The following PDZD8 variants were observed in gnomAD, a reference collection of about 807,000 sequenced individuals.
The protein encoded by PDZD8 is PDZ domain-containing protein 8.
In PDZD8, 14 loss-of-function variants were observed where a neutral mutation model predicts 85.8. That is an observed-to-expected ratio of 0.16 (90% CI 0.11 to 0.26). PDZD8 has a LOEUF of 0.26. Among genes scored for constraint, PDZD8 ranks in the 10% least tolerant of loss-of-function variants. The probability of loss-of-function intolerance (pLI) is 1.00; values close to 1 mark genes in which losing one functional copy is unlikely to be tolerated. For synonymous variants in PDZD8, 592 were observed against 568.6 expected (o/e 1.04, Z -0.59); for missense variants, 1,197 against 1,424.3 (o/e 0.84, Z 2.57).
At chr10:117,371,749 G>A (rs1589600494) in intron 1 of PDZD8, among the ~76,000 whole-genome samples, 1 of 151,966 alleles carries the variant, frequency 6.6e-6, no homozygotes, top group South Asian at 2.1e-4. Flanking sequence ...GACTAGCCTG[G>A]GCAACAAAGC....
chr10:117,360,429 T>C (rs1212176166), intron 1 of PDZD8, among the ~76,000 whole-genome samples: 1 of 152,070 alleles, frequency 6.6e-6, no homozygotes, highest in Non-Finnish European at 1.5e-5. Flanking sequence ...CAAACTCTTA[T>C]TCTTTCCTGT....
chr10:117,285,302 A>C lies in PDZD8; in HGVS notation c.1431T>G (p.Gly477=). 6.2e-7 allele frequency: 1 copy of C among 1,613,966 alleles called. No individual in the cohort carries two copies. The highest frequency in any genetic ancestry group is 8.5e-7 in the Non-Finnish European group (1 of 1,179,994). ...ENFLSSSCQS[G]YEEEAAGLTV... ...TCAACCCGGCAGCTTCCTCTTCATA[A>C]CCCGATTGGCATGAGCTTGACAAAA... The change falls in exon 5 of 5, where the codon GGT becomes GGG. Residue 477 remains glycine (G), a synonymous_variant. Coordinates refer to ENST00000334464, the MANE Select transcript of PDZD8 (RefSeq NM_173791.5).
chr10:117,316,596 G>A (rs1471231294), intron 3 of PDZD8, among the ~76,000 whole-genome samples: 1 of 152,072 alleles, frequency 6.6e-6, no homozygotes, highest in Non-Finnish European at 1.5e-5. Context: ...AGCTGAGGTG[G>A]GAGGGTTAAC....
chr10:117,348,517 T>G (rs1844746957), intron 1 of PDZD8, among the ~76,000 whole-genome samples: 1 of 152,160 alleles, frequency 6.6e-6, no homozygotes, highest in African/African-American at 2.4e-5. Flanking sequence ...AGGCTGGAAG[T>G]CGAAGATCAG....
intron 2 of PDZD8, among the ~76,000 whole-genome samples, chr10:117,331,634 G>A (rs1277650512): frequency 1.3e-5 from 2 of 152,162 alleles, no homozygotes; most frequent in Non-Finnish European, 2.9e-5. Context: ...TTGTATGAGT[G>A]TATAGCATAC....
Position 117,283,275 on chromosome 10 carries a change from G to A in PDZD8, c.3458C>T (p.Ser1153Phe). ...ISDDLFGPSE[S>F]V ...CTTAAATAGACCTGTCTGCTACACA[G>A]ACTCGGATGGGCCAAATAAGTCATC... Residue 1153 changes from serine (S) to phenylalanine (F), a missense_variant, in exon 5 of 5, where the codon TCT becomes TTT. Transcript: ENST00000334464. The A allele has an allele frequency of 6.2e-7, 1 of 1,610,638 alleles. No homozygotes were observed. The highest frequency in any genetic ancestry group is 1.1e-5 in the South Asian group (1 of 90,368).
chr10:117,302,859 A>T (rs531412362), intron 3 of PDZD8, among the ~76,000 whole-genome samples: 13 of 152,308 alleles, frequency 8.5e-5, no homozygotes, highest in South Asian at 2.1e-4. Flanking sequence ...GCCTCCATGT[A>T]AGAAGTGCCT....
chr10:117,285,747 C>T (rs1844651395), intron 4 of PDZD8: 7 of 1,111,752 alleles, frequency 6.3e-6, no homozygotes, highest in Non-Finnish European at 7.7e-6. Context: ...AGGATGCTAA[C>T]TCCTAATTGC....
chr10:117,367,174 G>C (rs905032947), intron 1 of PDZD8, among the ~76,000 whole-genome samples: 7 of 152,176 alleles, frequency 4.6e-5, no homozygotes, highest in African/African-American at 1.7e-4. Flanking sequence ...ATTTTGGGAG[G>C]CTGAGGCGGG....
chr10:117,343,676 A>G (rs1844655475), intron 1 of PDZD8, among the ~76,000 whole-genome samples: 1 of 152,238 alleles, frequency 6.6e-6, no homozygotes, highest in South Asian at 2.1e-4. Flanking sequence ...CAGGAGTATG[A>G]GTTGAATGTT....
chr10:117,289,576 CAG>C (rs1844721038), intron 4 of PDZD8, among the ~76,000 whole-genome samples: 1 of 152,192 alleles, frequency 6.6e-6, no homozygotes, highest in Non-Finnish European at 1.5e-5. Context: ...CTGCTATCTT[CAG>C]AGAGTTTTTA....
chr10:117,332,304 C>A (rs1232319750), intron 2 of PDZD8, among the ~76,000 whole-genome samples: 1 of 151,924 alleles, frequency 6.6e-6, no homozygotes, highest in African/African-American at 2.4e-5. Context: ...AAACAAAAAA[C>A]AAAAAACAGA....
chr10:117,336,010 C>G (rs558413387), intron 2 of PDZD8, among the ~76,000 whole-genome samples: 1 of 152,194 alleles, frequency 6.6e-6, no homozygotes, highest in African/African-American at 2.4e-5. Context: ...TGCTTAGGAC[C>G]AGGAGTGCTT....
At chr10:117,311,784 T>C (rs1223241183) in intron 3 of PDZD8, among the ~76,000 whole-genome samples, 1 of 151,872 alleles carries the variant, frequency 6.6e-6, no homozygotes, top group Non-Finnish European at 1.5e-5. Flanking sequence ...CACTCAGATA[T>C]GAGTAACAGT....
intron 3 of PDZD8, among the ~76,000 whole-genome samples, chr10:117,297,982 C>T (rs1275740420): frequency 6.6e-6 from 1 of 151,924 alleles, no homozygotes; most frequent in African/African-American, 2.4e-5. Context: ...TCCAATTTAC[C>T]TAATTTAATA....
At chr10:117,294,350 AAAAC>A (rs75278127) in intron 3 of PDZD8, among the ~76,000 whole-genome samples, 32,745 of 151,226 alleles carry the variant, frequency 0.22, 3,991 homozygotes, top group Middle Eastern at 0.34. Flanking sequence ...AAAAAACAAA[AAAAC>A]AAATATTGAC....
Position 117,283,213 on chromosome 10 carries a change from G to T in PDZD8, c.*55C>A. Reference sequence around the variant, plus strand: ...GGATTTAAACATGGTTGTATCTGTGGTACTTTAGATGCAACTTTACCCTGT... The same window carrying T: ...GGATTTAAACATGGTTGTATCTGTGTTACTTTAGATGCAACTTTACCCTGT... On this transcript the variant is annotated 3_prime_UTR_variant, in exon 5 of 5. Transcript: ENST00000334464. 2 of 1,495,360 alleles carry T rather than the reference G, an allele frequency of 1.3e-6. No individual in the cohort carries two copies. The highest frequency in any genetic ancestry group is 9.0e-7 in the Non-Finnish European group (1 of 1,109,890). The allele number at this position is 1,495,360 out of a possible 1,614,324, so 92.6% of individuals were successfully genotyped here.
Position 117,280,796 on chromosome 10 carries a change from G to C in PDZD8, c.*2472C>G, listed in dbSNP as rs1844564637. The C allele has an allele frequency of 6.6e-6, 1 of 152,178 alleles. No individual in the cohort carries two copies. Among genetic ancestry groups the C allele is most frequent in the Admixed American group, 6.6e-5 (1 of 15,266 alleles). The allele number at this position is 152,178 out of a possible 1,614,324, so 9.4% of individuals were successfully genotyped here. A position where few individuals can be genotyped will look rare whatever the true frequency, so the allele number is the denominator to read the frequency against. On this transcript the variant is annotated 3_prime_UTR_variant, in exon 5 of 5. Transcript: ENST00000334464. ...ACAGAGTTAAATACTTTTAAAACAT[G>C]AGTAGATTCTTATAAAACCAAAGTT...
rs1318446453 is a variant in PDZD8, at chr10:117,284,722, C to A, written c.2011G>T (p.Asp671Tyr). The A allele has an allele frequency of 3.7e-6, 6 of 1,614,038 alleles. No homozygotes were observed. The highest frequency in any genetic ancestry group is 5.1e-6 in the Non-Finnish European group (6 of 1,180,032). ...VTSETSCPTKDSSDDRQTWES... is the reference protein window; with the variant it reads ...VTSETSCPTKYSSDDRQTWES... ...CATGTTTGACGGTCGTCCGAACTGT[C>A]CTTAGTAGGGCAGGAAGTTTCTGAA... Residue 671 changes from aspartate to tyrosine, a missense_variant, in exon 5 of 5, where the codon GAC becomes TAC. Physicochemically the swap from Asp to Tyr is radical, Grantham distance 160. This residue lies in a region of PDZD8 where 263 missense variants were observed against 261.9 expected (regional missense o/e 1.00). Coordinates refer to ENST00000334464, the MANE Select transcript of PDZD8 (RefSeq NM_173791.5).
Sources: gnomAD v4.1 joint callset for allele counts (sites outside exome capture counted in the v4.1 genomes callset) on GRCh38, gnomAD v4.1.1 for gene constraint, gnomAD v4.1.1 regional missense constraint, MANE v1.5 for transcripts, NCBI Gene and HGNC (gene_info 2026-07-23, HGNC 2026-07-21) for gene names.